The following DGKB variants were observed in gnomAD, a reference collection of about 807,000 sequenced individuals.
DGKB encodes 90 kDa diacylglycerol kinase.
Under a neutral mutation model 114.3 loss-of-function variants are expected in DGKB, and 67 were observed. The ratio of observed to expected loss-of-function variants is 0.59; its 90% CI spans 0.48 to 0.72. The LOEUF (loss-of-function observed/expected upper bound fraction) is 0.72. DGKB is among the 30% of genes least tolerant of loss of function. The pLI, the probability that DGKB is intolerant of heterozygous loss-of-function variation, is 0.00. For synonymous variants in DGKB, 398 were observed against 323.1 expected, an observed-to-expected ratio of 1.23 and a Z score of -2.49; for missense variants, 907 against 975.2, an observed-to-expected ratio of 0.93 and a Z score of 0.93.
chr7:14,878,605 T>C (rs549750565), intron 1 of DGKB, among the ~76,000 whole-genome samples: 23 of 151,898 alleles, frequency 1.5e-4, no homozygotes, highest in African/African-American at 2.9e-4. Flanking sequence ...CAAAATTAGC[T>C]GGGCGTAGTG....
chr7:14,541,188 C>G (rs1036248943), intron 20 of DGKB, among the ~76,000 whole-genome samples: 1 of 151,536 alleles, frequency 6.6e-6, no homozygotes, highest in African/African-American at 2.4e-5. Context: ...CTAGTGGGAG[C>G]AGAGAATAGC....
At chr7:14,621,180 A>T (rs938145729) in intron 15 of DGKB, 198 bp downstream of exon 15, 8 of 470,132 alleles carry the variant, frequency 1.7e-5, no homozygotes, top group Non-Finnish European at 2.6e-5. Flanking sequence ...ATCATAAATG[A>T]TTAATTTAAC....
intron 23 of DGKB, among the ~76,000 whole-genome samples, chr7:14,267,741 G>T (rs1797726875): frequency 6.6e-6 from 1 of 152,034 alleles, no homozygotes; most frequent in African/African-American, 2.4e-5. Context: ...CACCCACCTC[G>T]GCCTCCCAAA....
At chr7:14,550,505 C>CA (rs932635801) in intron 20 of DGKB, among the ~76,000 whole-genome samples, 2 of 152,018 alleles carry the variant, frequency 1.3e-5, no homozygotes, top group Non-Finnish European at 2.9e-5. Flanking sequence ...AAGCATCTTC[C>CA]AAAAGGATAT....
chr7:14,583,101 C>G lies in DGKB; in HGVS notation c.1470G>C (p.Val490=). 1 of 1,613,288 alleles carries G rather than the reference C, an allele frequency of 6.2e-7. No homozygotes were observed. The highest frequency in any genetic ancestry group is 8.5e-7 in the Non-Finnish European group (1 of 1,179,562). The change falls in exon 18 of 26, where the codon GTG becomes GTC. Residue 490 remains valine (V), a synonymous_variant. Transcript: ENST00000402815. The stretch of plus-strand genomic sequence containing the variant: ...CGGTTCCATCTCCACCACAGGCTAA[C>G]ACTCTGAAGTCAGGAACATCACGGA... The part of the protein sequence containing the change: ...NFFRDVPDFR[V]LACGGDGTVG...
intron 23 of DGKB, among the ~76,000 whole-genome samples, chr7:14,188,751 T>C (rs1020878347): frequency 4.0e-5 from 6 of 148,878 alleles, no homozygotes; most frequent in Admixed American, 4.0e-4. Flanking sequence ...CCGTCAAAAG[T>C]CAAAGACAAT....
chr7:14,463,007 A>T (rs912269975), intron 21 of DGKB, among the ~76,000 whole-genome samples: 1 of 152,166 alleles, frequency 6.6e-6, no homozygotes, highest in Non-Finnish European at 1.5e-5. Context: ...TTCCCTATTT[A>T]AAAAAAGGTG....
chr7:14,205,290 A>T (rs1457545784), intron 23 of DGKB, among the ~76,000 whole-genome samples: 1 of 151,688 alleles, frequency 6.6e-6, no homozygotes, highest in African/African-American at 2.4e-5. Context: ...ACCTCCTCAA[A>T]ACTCTTCCAG....
intron 1 of DGKB, among the ~76,000 whole-genome samples, chr7:14,846,181 T>C (rs2215430): frequency 0.32 from 49,004 of 152,074 alleles, 9,949 homozygotes; most frequent in Non-Finnish European, 0.45. Context: ...AATAATGGTA[T>C]CTCTGAGTGG....
intron 20 of DGKB, among the ~76,000 whole-genome samples, chr7:14,539,529 T>C (rs969463102): frequency 1.1e-4 from 16 of 152,172 alleles, no homozygotes; most frequent in African/African-American, 3.9e-4. Context: ...AATCATGTGG[T>C]ATGCAAATTA....
chr7:14,891,788 C>T lies in DGKB; in HGVS notation c.-188+10804G>A, dbSNP rs955396993. On this transcript the variant is annotated intron_variant, in intron 1 of 25. Coordinates refer to ENST00000402815, the MANE Select transcript of DGKB (RefSeq NM_001350709.2). ...TCTTTTCATAAGAAAATATGAAGTA[C>T]CTGGGTGGCAGGGCTCTGTAAGAAA... Among the ~76,000 whole-genome samples, 3 of 151,280 alleles carry T rather than the reference C, an allele frequency of 2.0e-5. No individual in the cohort carries two copies. The Admixed American group carries it at 2.0e-4, about 10-fold the overall frequency.
intron 21 of DGKB, among the ~76,000 whole-genome samples, chr7:14,380,815 C>G (rs1482033245): frequency 2.0e-5 from 3 of 152,150 alleles, no homozygotes; most frequent in South Asian, 2.1e-4. Flanking sequence ...AGCATATGGA[C>G]TATATTTTAA....
At chr7:14,499,244 TAA>T (rs1785759477) in intron 20 of DGKB, among the ~76,000 whole-genome samples, 1 of 151,728 alleles carries the variant, frequency 6.6e-6, no homozygotes, top group African/African-American at 2.4e-5. Flanking sequence ...CCCAGAAAGA[TAA>T]CTAAGTTTGT....
At chr7:14,618,369 C>T (rs888683394) in intron 15 of DGKB, among the ~76,000 whole-genome samples, 1 of 151,476 alleles carries the variant, frequency 6.6e-6, no homozygotes, top group African/African-American at 2.4e-5. Flanking sequence ...CTTTCTTTCT[C>T]GTGCTAAAAG....
chr7:14,451,266 A>T (rs2052980), intron 21 of DGKB, among the ~76,000 whole-genome samples: 1 of 151,806 alleles, frequency 6.6e-6, no homozygotes, highest in Non-Finnish European at 1.5e-5. Flanking sequence ...TATGGGTAGG[A>T]CTCATCTAAT....
chr7:14,873,264 T>C (rs929831182), intron 1 of DGKB, among the ~76,000 whole-genome samples: 1 of 152,152 alleles, frequency 6.6e-6, no homozygotes, highest in African/African-American at 2.4e-5. Context: ...CTTTCTGTGG[T>C]CTTGCATTCA....
intron 1 of DGKB, among the ~76,000 whole-genome samples, chr7:14,852,678 T>C (rs1849572821): frequency 6.6e-6 from 1 of 152,056 alleles, no homozygotes; most frequent in African/African-American, 2.4e-5. Context: ...GAATAAAGGA[T>C]AACTCTTTCC....
Position 14,555,366 on chromosome 7 carries a change from C to T in DGKB, c.1770+18846G>A, listed in dbSNP as rs79522274. On this transcript the variant is annotated intron_variant, in intron 20 of 25. Coordinates refer to ENST00000402815, the MANE Select transcript of DGKB (RefSeq NM_001350709.2). ...CAGAAATTTGGTAGCATTTAGTACACGGCAAGGAAATTGACCATTGTAGGA... is the reference window on the plus strand; with the variant it reads ...CAGAAATTTGGTAGCATTTAGTACATGGCAAGGAAATTGACCATTGTAGGA... Among the ~76,000 whole-genome samples the T allele has an allele frequency of 0.019, 2,893 of 152,202 alleles. 128 individuals are homozygous for T. The East Asian group carries it at 0.19, about 10-fold the overall frequency.
intron 21 of DGKB, among the ~76,000 whole-genome samples, chr7:14,357,390 T>A: frequency 6.6e-6 from 1 of 152,148 alleles, no homozygotes. Context: ...TGGTTTAAAG[T>A]CTGTTTTATC....
Sources: allele counts gnomAD v4.1 joint callset (sites outside exome capture counted in the v4.1 genomes callset), GRCh38; gene constraint gnomAD v4.1.1; transcripts MANE v1.5; gene names NCBI Gene and HGNC (gene_info 2026-07-23, HGNC 2026-07-21).